FGF13: variants seen among roughly 807,000 people sequenced by gnomAD.
The protein encoded by FGF13 is fibroblast growth factor 13.
FGF13 carries 2 observed loss-of-function variants against 19.5 expected under a neutral mutation model. The ratio of observed to expected loss-of-function variants is 0.10; its 90% CI spans 0.04 to 0.32. FGF13 has a LOEUF of 0.32. FGF13 is among the 10% of genes least tolerant of loss of function. FGF13 has a pLI of 1.00. For missense variants in FGF13, 113 were observed against 192.7 expected (o/e 0.59, Z 2.45); for synonymous variants, 72 against 76.9 (o/e 0.94, Z 0.33).
chrX:139,186,159 G>A (rs1331116691), intron 1 of FGF13, among the ~76,000 whole-genome samples: 1 of 111,750 alleles, frequency 8.9e-6, no homozygotes, highest in Non-Finnish European at 1.9e-5. Flanking sequence ...GGATCATTAT[G>A]AATCACCACT....
At chrX:138,893,281 T>C (rs748078480) in intron 1 of FGF13, among the ~76,000 whole-genome samples, 1 of 111,805 alleles carries the variant, frequency 8.9e-6, no homozygotes, top group South Asian at 3.8e-4. Context: ...CACTCCATTT[T>C]GGCCATTTGC....
intron 1 of FGF13, among the ~76,000 whole-genome samples, chrX:138,874,222 G>C (rs185808386): frequency 0.022 from 2,325 of 105,111 alleles, 71 homozygotes; most frequent in African/African-American, 0.077. Flanking sequence ...CTCATACTAA[G>C]GACAGCTCTC....
chrX:139,046,315 C>T (rs752408692), intron 1 of FGF13, among the ~76,000 whole-genome samples: 2 of 111,229 alleles, frequency 1.8e-5, no homozygotes, highest in Admixed American at 9.5e-5. Context: ...ACGAGGGATC[C>T]GCCCCCATAA....
chrX:139,122,743 A>T (rs759943694), intron 1 of FGF13, among the ~76,000 whole-genome samples: 1 of 111,379 alleles, frequency 9.0e-6, no homozygotes, highest in African/African-American at 3.3e-5. Flanking sequence ...ACTGGCATTT[A>T]CTCAGTCCCT....
At chrX:139,110,517 G>A (rs965982237) in intron 1 of FGF13, among the ~76,000 whole-genome samples, 1 of 111,260 alleles carries the variant, frequency 9.0e-6, no homozygotes, top group Non-Finnish European at 1.9e-5. Context: ...TCTTGCTGCT[G>A]CCATGTAAGA....
chrX:138,923,004 G>A (rs1186934434), intron 1 of FGF13, among the ~76,000 whole-genome samples: 2 of 112,240 alleles, frequency 1.8e-5, no homozygotes, highest in African/African-American at 6.5e-5. Context: ...TGGAACATGT[G>A]CATATTAATG....
At chrX:138,857,485 C>A, downstream of FGF13, 2 of 1,151,609 alleles carry the variant, frequency 1.7e-6, no homozygotes, top group Non-Finnish European at 2.3e-6. Flanking sequence ...AGAAAACAAG[C>A]AAAACACGCG....
chrX:138,728,252 C>T (rs1456937942), intron 1 of FGF13, among the ~76,000 whole-genome samples: 1 of 111,298 alleles, frequency 9.0e-6, no homozygotes, highest in Non-Finnish European at 1.9e-5. Flanking sequence ...TGGAATCCAT[C>T]TCTCATCTAG....
intron 1 of FGF13, among the ~76,000 whole-genome samples, chrX:138,727,408 T>A (rs1368814241): frequency 9.1e-6 from 1 of 110,152 alleles, no homozygotes; most frequent in Non-Finnish European, 1.9e-5. Flanking sequence ...AGGGAGAGAG[T>A]TACTGAAGCA....
intron 3 of FGF13, among the ~76,000 whole-genome samples, chrX:138,688,965 A>G (rs887475907): frequency 1.8e-5 from 2 of 111,517 alleles, no homozygotes; most frequent in Non-Finnish European, 3.8e-5. Context: ...GTCATCATGT[A>G]ATTTCCACTA....
At chrX:138,661,484 C>T (rs945457081) in intron 3 of FGF13, among the ~76,000 whole-genome samples, 1 of 111,859 alleles carries the variant, frequency 8.9e-6, no homozygotes, top group Non-Finnish European at 1.9e-5. Flanking sequence ...AAACATTTCA[C>T]TGTGAACTCT....
chrX:139,072,276 T>TACACACAC (rs761988012), intron 1 of FGF13, among the ~76,000 whole-genome samples: 60 of 99,087 alleles, frequency 6.1e-4, no homozygotes, highest in African/African-American at 2.0e-3. Context: ...TCTCTCTCTC[T>TACACACAC]ACACACACAC....
intron 1 of FGF13, among the ~76,000 whole-genome samples, chrX:139,047,549 T>C (rs1251783550): frequency 8.9e-6 from 1 of 112,045 alleles, no homozygotes; most frequent in Non-Finnish European, 1.9e-5. Context: ...GTCACCATGC[T>C]GTACAATACA....
intron 2 of FGF13, among the ~76,000 whole-genome samples, chrX:138,858,561 C>T (rs143397915): frequency 4.2e-4 from 47 of 111,635 alleles, no homozygotes; most frequent in Middle Eastern, 4.7e-3. Flanking sequence ...CTGACCCCAG[C>T]ATGAATTGTT....
At chrX:138,777,402 G>A (rs908275095) in intron 3 of FGF13, among the ~76,000 whole-genome samples, 3 of 111,650 alleles carry the variant, frequency 2.7e-5, no homozygotes, top group African/African-American at 9.8e-5. Flanking sequence ...GAGACATCAG[G>A]TATCCAGGAA....
chrX:138,682,742 C>CG (rs763602451), intron 3 of FGF13, among the ~76,000 whole-genome samples: 2 of 111,654 alleles, frequency 1.8e-5, no homozygotes, highest in African/African-American at 6.5e-5. Context: ...TTTACCCCCC[C>CG]GAAAGTACCT....
intron 1 of FGF13, among the ~76,000 whole-genome samples, chrX:138,736,120 G>A (rs906283114): frequency 1.8e-5 from 2 of 111,802 alleles, no homozygotes; most frequent in African/African-American, 6.5e-5. Context: ...CTCCCAAGGG[G>A]GACTTACAGA....
At chrX:138,789,252 T>A (rs760944967) in intron 3 of FGF13, among the ~76,000 whole-genome samples, 14 of 110,306 alleles carry the variant, frequency 1.3e-4, no homozygotes, top group Admixed American at 1.3e-3. Flanking sequence ...CACTGCAACC[T>A]CCGCCTCCCG....
intron 1 of FGF13, among the ~76,000 whole-genome samples, chrX:139,087,295 C>CAA (rs200436266): frequency 9.5e-5 from 9 of 94,585 alleles, no homozygotes; most frequent in Admixed American, 2.3e-4. Flanking sequence ...AAAACTCCGT[C>CAA]AAAAAAAAAA....
Sources: gnomAD v4.1 joint callset for allele counts (sites outside exome capture counted in the v4.1 genomes callset) on GRCh38, gnomAD v4.1.1 for gene constraint, MANE v1.5 for transcripts, NCBI Gene and HGNC (gene_info 2026-07-23, HGNC 2026-07-21) for gene names.